ASTN1: variants seen among roughly 807,000 people sequenced by gnomAD.
The protein encoded by ASTN1 is astrotactin 1.
Under a neutral mutation model 140.7 loss-of-function variants are expected in ASTN1, and 41 were observed. The observed-to-expected ratio is 0.29, with a 90% confidence interval of 0.23 to 0.38. The LOEUF (loss-of-function observed/expected upper bound fraction) is 0.38. ASTN1 is among the 10% of genes least tolerant of loss of function. The probability of loss-of-function intolerance (pLI) is 1.00; values close to 1 mark genes in which losing one functional copy is unlikely to be tolerated. For synonymous variants in ASTN1, 640 were observed against 652.2 expected, an observed-to-expected ratio of 0.98 and a Z score of 0.29; for missense variants, 1,479 against 1,678.8, an observed-to-expected ratio of 0.88 and a Z score of 2.08.
rs1459559716 is a variant in ASTN1, at chr1:177,141,872, C to T, written c.283+22522G>A. On this transcript the variant is annotated intron_variant, in intron 1 of 22. Coordinates refer to ENST00000361833, the MANE Select transcript of ASTN1 (RefSeq NM_004319.3). ...AGCAAAACCAAAGCATAGTTATGTG[C>T]TATACTTTCTTACTTGACTGGATGA... Among the ~76,000 whole-genome samples the T allele has an allele frequency of 2.0e-5, 3 of 152,166 alleles. No homozygotes were observed. The East Asian group carries it at 5.8e-4, about 29-fold the overall frequency.
At chr1:176,880,564 A>G (rs2103024154) in intron 20 of ASTN1, among the ~76,000 whole-genome samples, 1 of 152,314 alleles carries the variant, frequency 6.6e-6, no homozygotes, top group Middle Eastern at 3.4e-3. Context: ...GTCTCTTTCA[A>G]GTAGGAGTTC....
At chr1:177,099,178 T>C (rs959470337) in intron 1 of ASTN1, among the ~76,000 whole-genome samples, 2 of 152,228 alleles carry the variant, frequency 1.3e-5, no homozygotes, top group African/African-American at 4.8e-5. Context: ...AAGTATTATG[T>C]TGAAGAAACT....
chr1:176,916,480 A>T (rs1333810087), intron 16 of ASTN1, among the ~76,000 whole-genome samples: 4 of 152,164 alleles, frequency 2.6e-5, no homozygotes, highest in Admixed American at 6.5e-5. Context: ...TTACTTTGCC[A>T]TCATTGAGGG....
intron 8 of ASTN1, among the ~76,000 whole-genome samples, chr1:176,966,601 A>G (rs1042251419): frequency 6.6e-6 from 1 of 152,200 alleles, no homozygotes; most frequent in Non-Finnish European, 1.5e-5. Context: ...TTATAATTTG[A>G]GCGGAGGTTA....
At chr1:177,023,037 A>G (rs1675904921) in intron 7 of ASTN1, among the ~76,000 whole-genome samples, 1 of 152,234 alleles carries the variant, frequency 6.6e-6, no homozygotes, top group Non-Finnish European at 1.5e-5. Context: ...ATTTTCTTCT[A>G]TAAACTTTTC....
Position 176,914,559 on chromosome 1 carries a change from G to A in ASTN1, c.2671+19593C>T, listed in dbSNP as rs1425583068. 2.6e-5 allele frequency among the ~76,000 whole-genome samples: 4 copies of A among 152,330 alleles called. No homozygotes were observed. In the South Asian group the frequency reaches 8.3e-4, roughly 32 times the overall value. ...GGGTCATACCGCATGGGGTCCTGAA[G>A]AACCAGTCCAGGAATTTTGAGCCTG... On this transcript the variant is annotated intron_variant, in intron 16 of 22. Coordinates refer to ENST00000361833, the MANE Select transcript of ASTN1 (RefSeq NM_004319.3).
chr1:177,083,893 G>C (rs947619479), intron 1 of ASTN1, among the ~76,000 whole-genome samples: 5 of 152,148 alleles, frequency 3.3e-5, no homozygotes, highest in East Asian at 1.9e-4. Context: ...GGTCTCTAGG[G>C]ATAGACGTTC....
chr1:177,096,694 T>A (rs73047088), intron 1 of ASTN1, among the ~76,000 whole-genome samples: 11,543 of 152,202 alleles, frequency 0.076, 540 homozygotes, highest in African/African-American at 0.13. Flanking sequence ...CCCTGCCACA[T>A]GCCCTCTTGC....
chr1:177,131,396 C>T (rs900501354), intron 1 of ASTN1, among the ~76,000 whole-genome samples: 3 of 152,102 alleles, frequency 2.0e-5, no homozygotes, highest in African/African-American at 7.2e-5. Context: ...TACTTAACAT[C>T]CATATGCTAG....
intron 20 of ASTN1, 24 bp downstream of exon 20, chr1:176,882,835 A>C: frequency 1.2e-6 from 2 of 1,613,904 alleles, no homozygotes; most frequent in South Asian, 1.1e-5. Flanking sequence ...GTAAGAAGTC[A>C]CTAGGTAGGT....
downstream of ASTN1, chr1:176,860,941 G>T: frequency 2.9e-6 from 1 of 344,804 alleles, no homozygotes; most frequent in Non-Finnish European, 4.1e-6. Context: ...TTTCCAGTTA[G>T]AATGATGACT....
At chr1:176,868,513 C>T (rs1668210389) in intron 22 of ASTN1, among the ~76,000 whole-genome samples, 1 of 152,174 alleles carries the variant, frequency 6.6e-6, no homozygotes, top group East Asian at 1.9e-4. Context: ...TAATAAAATT[C>T]CAAATTTCCT....
chr1:177,057,616 G>A (rs1427814559), intron 2 of ASTN1, among the ~76,000 whole-genome samples: 3 of 152,144 alleles, frequency 2.0e-5, no homozygotes, highest in Non-Finnish European at 4.4e-5. Context: ...AACAGAAGAG[G>A]TTGGATGTAT....
intron 19 of ASTN1, among the ~76,000 whole-genome samples, chr1:176,883,881 T>C (rs1304945244): frequency 6.6e-6 from 1 of 152,192 alleles, no homozygotes; most frequent in Non-Finnish European, 1.5e-5. Flanking sequence ...GCAGTTTGCT[T>C]CAGGAAAAGA....
intron 3 of ASTN1, among the ~76,000 whole-genome samples, chr1:177,031,527 T>C (rs1205928331): frequency 6.6e-6 from 1 of 152,228 alleles, no homozygotes; most frequent in East Asian, 1.9e-4. Flanking sequence ...TGATGATATG[T>C]CCCCCATATT....
At chr1:176,944,829 C>T (rs1029619113) in intron 13 of ASTN1, among the ~76,000 whole-genome samples, 6 of 152,226 alleles carry the variant, frequency 3.9e-5, no homozygotes, top group African/African-American at 1.4e-4. Flanking sequence ...TCAGCCACCA[C>T]TAGATTAGTG....
intron 8 of ASTN1, chr1:176,976,983 C>G (rs1346716732): frequency 6.6e-6 from 1 of 152,276 alleles, no homozygotes; most frequent in Non-Finnish European, 1.5e-5. Flanking sequence ...AACCTGGGGC[C>G]TCCTCCTCCA....
chr1:176,996,289 T>TCTCTCACA (rs1553240565), intron 8 of ASTN1, among the ~76,000 whole-genome samples: 3 of 129,302 alleles, frequency 2.3e-5, no homozygotes, highest in Non-Finnish European at 3.2e-5. Flanking sequence ...TCTCTCTCTC[T>TCTCTCACA]CACACACACA....
chr1:176,965,595 T>C (rs1479917379), intron 8 of ASTN1, among the ~76,000 whole-genome samples: 1 of 152,144 alleles, frequency 6.6e-6, no homozygotes, highest in Non-Finnish European at 1.5e-5. Context: ...AAGAGCAGCG[T>C]GATTTCTTGG....
Sources: gnomAD v4.1 joint callset for allele counts (sites outside exome capture counted in the v4.1 genomes callset) on GRCh38, gnomAD v4.1.1 for gene constraint, MANE v1.5 for transcripts, NCBI Gene and HGNC (gene_info 2026-07-23, HGNC 2026-07-21) for gene names.